Variants in SSX3 observed in about 807,000 individuals in gnomAD.
SSX3 encodes the protein protein SSX3.
In SSX3, 6 loss-of-function variants were observed where a neutral mutation model predicts 14.8. That is an observed-to-expected ratio of 0.41 (90% CI 0.22 to 0.80). SSX3 has a LOEUF of 0.80. SSX3 is among the 30% of genes least tolerant of loss of function. The probability of loss-of-function intolerance (pLI) is 0.34; values close to 1 mark genes in which losing one functional copy is unlikely to be tolerated. For synonymous variants in SSX3, 55 were observed against 52.9 expected (o/e 1.04, Z -0.18); for missense variants, 163 against 152.2 (o/e 1.07, Z -0.37).
Position 48,355,288 on chromosome X carries a change from G to A in SSX3, c.-20-19C>T. The A allele has an allele frequency of 2.5e-6, 3 of 1,194,259 alleles. No individual in the cohort carries two copies. Among genetic ancestry groups the A allele is most frequent in the Non-Finnish European group, 3.4e-6 (3 of 880,960 alleles). ...GTCTGACCTGCAAGAGAAACAGATTGAGACTTTCCAGCCGCAGGACCTTTG... is the reference window on the plus strand; with the variant it reads ...GTCTGACCTGCAAGAGAAACAGATTAAGACTTTCCAGCCGCAGGACCTTTG... On this transcript the variant is annotated intron_variant, in intron 1 of 7. Coordinates refer to ENST00000298396, the MANE Select transcript of SSX3 (RefSeq NM_021014.4).
rs2061266132 is a variant in SSX3, at chrX:48,352,153, A to C, written c.281-4T>G. ...AAAGTCATCTGAGGACGTTGAACTG[A>C]AAGAGAATACATCAGAATTTTTCAT... On this transcript the variant is annotated splice_polypyrimidine_tract_variant and splice_region_variant and intron_variant, in intron 4 of 7. Transcript: ENST00000298396. The C allele has an allele frequency of 1.7e-6, 2 of 1,207,887 alleles. No homozygotes were observed. Among genetic ancestry groups the C allele is most frequent in the Admixed American group, 2.2e-5 (1 of 46,027 alleles).
rs1379766844 is a variant in SSX3 at position 48,347,563 on chromosome X, C to G, written c.508G>C (p.Glu170Gln). 1 of 1,210,247 alleles carries G rather than the reference C, an allele frequency of 8.3e-7. No homozygotes were observed. Among genetic ancestry groups the G allele is most frequent in the East Asian group, 3.0e-5 (1 of 33,864 alleles). ...GEHAWTHRLR[E>Q]RKQLVIYEEI... ...TCATAAATCACCAGCTGCTTTCTCT[C>G]ACGCAGTCTGTGGGTCCAGGCATGT... The change falls in exon 7 of 8, where the codon GAG becomes CAG. Residue 170 changes from glutamate to glutamine, a missense_variant. Coordinates refer to ENST00000298396, the MANE Select transcript of SSX3 (RefSeq NM_021014.4).
At chrX:48,349,479 A>C (rs2061252315) in intron 6 of SSX3, 4 of 1,178,610 alleles carry the variant, frequency 3.4e-6, no homozygotes, top group Non-Finnish European at 4.6e-6. Context: ...AGTAGACTAC[A>C]CTGTAGTGTA....
Position 48,352,157 on chromosome X carries a change from A to C in SSX3, c.281-8T>G. ...TCATCTGAGGACGTTGAACTGAAAG[A>C]GAATACATCAGAATTTTTCATTGTT... On this transcript the variant is annotated splice_region_variant and splice_polypyrimidine_tract_variant and intron_variant, in intron 4 of 7. Transcript: ENST00000298396. 3 of 1,205,963 alleles carry C rather than the reference A, an allele frequency of 2.5e-6. No individual in the cohort carries two copies. The highest frequency in any genetic ancestry group is 3.4e-6 in the Non-Finnish European group (3 of 890,931).
intron 1 of SSX3, among the ~76,000 whole-genome samples, 163 bp downstream of exon 1, chrX:48,356,471 G>T (rs2061288127): frequency 9.0e-6 from 1 of 111,217 alleles, no homozygotes; most frequent in African/African-American, 3.3e-5. Flanking sequence ...GAAAAAGTTA[G>T]AAACTGACAG....
intron 1 of SSX3, among the ~76,000 whole-genome samples, chrX:48,355,767 T>C (rs1438710383): frequency 1.8e-5 from 2 of 111,791 alleles, no homozygotes; most frequent in Admixed American, 1.9e-4. Flanking sequence ...ATCGCTAATA[T>C]GAATGTGTTC....
chrX:48,350,027 C>G lies in SSX3; in HGVS notation c.426G>C (p.Pro142=). The G allele has an allele frequency of 8.3e-7, 1 of 1,211,580 alleles. No homozygotes were observed. The highest frequency in any genetic ancestry group is 1.1e-6 in the Non-Finnish European group (1 of 895,502). ...PQNDGKQLCP[P]GKPTTSEKIN... is the part of the protein sequence containing the mutation. ...TCTTCTCAGAGGTAGTTGGTTTTCC[C>G]GGGGGGCACAGCTGTTTCCCATCGT... Residue 142 remains proline (P), a synonymous_variant, in exon 6 of 8, where the codon CCG becomes CCC. Transcript: ENST00000298396.
intron 1 of SSX3, among the ~76,000 whole-genome samples, chrX:48,355,994 C>T (rs1199372819): frequency 9.0e-6 from 1 of 110,814 alleles, no homozygotes; most frequent in Non-Finnish European, 1.9e-5. Flanking sequence ...CTGGGAAACA[C>T]AGCAAAACCC....
At chrX:48,354,274 A>G (rs1490481022) in intron 3 of SSX3, among the ~76,000 whole-genome samples, 180 bp from the exon 4 acceptor site, 5 of 100,923 alleles carry the variant, frequency 5.0e-5, no homozygotes, top group African/African-American at 1.5e-4. Flanking sequence ...ACAGATTCAG[A>G]CTGACTCAAA....
At chrX:48,348,973 G>A (rs781962094) in intron 6 of SSX3, among the ~76,000 whole-genome samples, 13 of 112,470 alleles carry the variant, frequency 1.2e-4, no homozygotes, top group Admixed American at 1.1e-3. Flanking sequence ...TAACATAAAA[G>A]TGCAAGGTGA....
intron 2 of SSX3, 56 bp downstream of exon 2, chrX:48,355,125 G>T (rs372215947): frequency 1.5e-5 from 18 of 1,199,278 alleles, no homozygotes; most frequent in Admixed American, 2.2e-5. Flanking sequence ...CTCAGAAACC[G>T]GGTCACCCCA....
chrX:48,354,049 G>T lies in SSX3; in HGVS notation c.230C>A (p.Thr77Lys). 1 of 1,209,835 alleles carries T rather than the reference G, an allele frequency of 8.3e-7. No individual in the cohort carries two copies. The highest frequency in any genetic ancestry group is 1.8e-5 in the South Asian group (1 of 56,913). Residue 77 changes from threonine (T) to lysine (K), a missense_variant, in exon 4 of 8, where the codon ACA (threonine) becomes AAA (lysine). Physicochemically the swap from Thr to Lys is moderately conservative, Grantham distance 78. Coordinates refer to ENST00000298396, the MANE Select transcript of SSX3 (RefSeq NM_021014.4). The stretch of plus-strand genomic sequence containing the variant: ...ATCAAAATCATTCCCCTGGAAGTCT[G>T]TGACCCGTTTATTACGCATGAAAGA... ...LPSFMRNKRV[T>K]DFQGNDFDND...
At chrX:48,350,155 T>C (rs1405483502) in intron 5 of SSX3, 33 bp from the exon 6 acceptor site, 19 of 1,206,849 alleles carry the variant, frequency 1.6e-5, no homozygotes, top group Non-Finnish European at 1.7e-5. Context: ...ATAAATAGTA[T>C]CAGTGACATT....
In SSX3 at chrX:48,346,692, A is replaced by G. The variant is rs142898181; in HGVS notation, c.*348T>C. ...AGAACTGCCCTCAGTAGTCACATCT[A>G]GGGAGAGAGGAGGGTAATGCTGTTC... is the stretch of plus-strand genomic sequence containing the variant. On this transcript the variant is annotated 3_prime_UTR_variant, in exon 8 of 8. Coordinates refer to ENST00000298396, the MANE Select transcript of SSX3 (RefSeq NM_021014.4). 0.018 allele frequency: 6,563 copies of G among 368,008 alleles called. 394 individuals carry two copies. The highest frequency in any genetic ancestry group is 0.16 in the African/African-American group (6,062 of 38,419). 30.3% of individuals were successfully genotyped at this position (368,008 alleles called of 1,213,427 possible). A position where few individuals can be genotyped will look rare whatever the true frequency, so the allele number is the denominator to read the frequency against.
At chrX:48,349,800 T>G in intron 6 of SSX3, 187 bp downstream of exon 6, 2 of 1,133,073 alleles carry the variant, frequency 1.8e-6, no homozygotes, top group Non-Finnish European at 2.3e-6. Flanking sequence ...ACGTGGTTTT[T>G]TTTTATATGG....
intron 4 of SSX3, 34 bp downstream of exon 4, chrX:48,353,965 G>T (rs1390628630): frequency 4.4e-5 from 52 of 1,173,207 alleles, no homozygotes; most frequent in East Asian, 1.2e-4. Flanking sequence ...TTGGGCTTGA[G>T]GAGACCCTTT....
intron 5 of SSX3, among the ~76,000 whole-genome samples, chrX:48,351,048 C>A (rs375871925): frequency 9.0e-6 from 1 of 110,904 alleles, no homozygotes; most frequent in East Asian, 2.8e-4. Context: ...GGATTACAGT[C>A]GTGAGCCACC....
At chrX:48,354,239 G>A (rs1165812702) in intron 3 of SSX3, 145 bp from the exon 4 acceptor site, 6 of 490,827 alleles carry the variant, frequency 1.2e-5, no homozygotes, top group Non-Finnish European at 2.1e-5. Context: ...AGCTATGATT[G>A]CACTACTGCA....
chrX:48,349,392 A>G (rs2061722493), intron 6 of SSX3: 3 of 761,014 alleles, frequency 3.9e-6, no homozygotes. Context: ...GGCTCAGAAG[A>G]TTGTTAGCAT....
Sources: gnomAD v4.1 joint callset for allele counts (sites outside exome capture counted in the v4.1 genomes callset) on GRCh38, gnomAD v4.1.1 for gene constraint, MANE v1.5 for transcripts, NCBI Gene and HGNC (gene_info 2026-07-23, HGNC 2026-07-21) for gene names.